Variants in ZFHX3 observed in about 807,000 individuals in gnomAD.
The protein encoded by ZFHX3 is zinc finger homeobox 3.
A neutral mutation model predicts 279.1 loss-of-function variants in ZFHX3; 42 were observed. The ratio of observed to expected loss-of-function variants is 0.15; its 90% CI spans 0.12 to 0.19. ZFHX3 has a LOEUF of 0.19. Among genes scored for constraint, ZFHX3 ranks in the 10% least tolerant of loss-of-function variants. The probability of loss-of-function intolerance (pLI) is 1.00; values close to 1 mark genes in which losing one functional copy is unlikely to be tolerated. For synonymous variants in ZFHX3, 2,293 were observed against 1,957.8 expected, an observed-to-expected ratio of 1.17 and a Z score of -4.52; for missense variants, 4,981 against 4,754.0, an observed-to-expected ratio of 1.05 and a Z score of -1.40.
At chr16:72,918,769 C>T (rs927465879) in intron 3 of ZFHX3, among the ~76,000 whole-genome samples, 3 of 151,068 alleles carry the variant, frequency 2.0e-5, no homozygotes, top group Non-Finnish European at 4.4e-5. Flanking sequence ...AATCTCGGCT[C>T]ACTGCAAGCT....
At chr16:73,625,287 A>G (rs1025755351) in intron 2 of ZFHX3, among the ~76,000 whole-genome samples, 2 of 152,228 alleles carry the variant, frequency 1.3e-5, no homozygotes, top group Non-Finnish European at 2.9e-5. Context: ...ATTCAGAATA[A>G]TAAAAAACAG....
At chr16:72,943,461 G>A (rs529193182) in intron 3 of ZFHX3, among the ~76,000 whole-genome samples, 1 of 152,264 alleles carries the variant, frequency 6.6e-6, no homozygotes, top group South Asian at 2.1e-4. Flanking sequence ...TGAACCCAGA[G>A]GCGGAGGTTG....
At chr16:72,989,491 A>G (rs1250575744) in intron 1 of ZFHX3, among the ~76,000 whole-genome samples, 1 of 151,422 alleles carries the variant, frequency 6.6e-6, no homozygotes, top group Non-Finnish European at 1.5e-5. Flanking sequence ...AAAAAAAAAA[A>G]GAAACCATGG....
chr16:72,906,633 CA>C (rs2039180423), intron 3 of ZFHX3, among the ~76,000 whole-genome samples: 1 of 151,942 alleles, frequency 6.6e-6, no homozygotes, highest in African/African-American at 2.4e-5. Context: ...CCTGTTTCTA[CA>C]AAAAAGTACA....
intron 4 of ZFHX3, among the ~76,000 whole-genome samples, chr16:72,852,583 G>A (rs1164661549): frequency 6.6e-6 from 1 of 152,184 alleles, no homozygotes; most frequent in Non-Finnish European, 1.5e-5. Context: ...TGATTTAAAA[G>A]TATTGCTTAA....
At chr16:73,424,753 C>CAAAAAAA (rs71156163) in intron 3 of ZFHX3, among the ~76,000 whole-genome samples, 4 of 95,780 alleles carry the variant, frequency 4.2e-5, no homozygotes, top group Non-Finnish European at 5.6e-5. Context: ...TACCCTGTGT[C>CAAAAAAA]AAAAAAAAAA....
intron 2 of ZFHX3, among the ~76,000 whole-genome samples, chr16:73,569,718 C>A (rs527356363): frequency 1.3e-5 from 2 of 152,126 alleles, no homozygotes; most frequent in Non-Finnish European, 2.9e-5. Context: ...ATTATGTATT[C>A]TGAAATTAGG....
intron 2 of ZFHX3, among the ~76,000 whole-genome samples, chr16:73,512,272 CAAAAAAAAA>C (rs3087038): frequency 1.4e-3 from 124 of 87,840 alleles, no homozygotes; most frequent in African/African-American, 2.2e-3. Context: ...CACTAAAATA[CAAAAAAAAA>C]AAAAAAAAAA....
chr16:73,782,214 G>A (rs1416530914), intron 1 of ZFHX3, among the ~76,000 whole-genome samples: 2 of 152,136 alleles, frequency 1.3e-5, no homozygotes, highest in South Asian at 2.1e-4. Flanking sequence ...TGAGACCTAT[G>A]GAGAGATAAA....
intron 2 of ZFHX3, among the ~76,000 whole-genome samples, chr16:73,545,233 G>T (rs982872050): frequency 6.6e-6 from 1 of 152,120 alleles, no homozygotes; most frequent in Admixed American, 6.6e-5. Context: ...AACCTATCCT[G>T]TTGGCAGGAC....
chr16:73,365,614 C>G (rs970871126), intron 3 of ZFHX3, among the ~76,000 whole-genome samples: 1 of 152,186 alleles, frequency 6.6e-6, no homozygotes, highest in African/African-American at 2.4e-5. Flanking sequence ...ACACTGTGAT[C>G]TTTCTAGTTC....
At chr16:73,575,600 G>C (rs1302477825) in intron 2 of ZFHX3, among the ~76,000 whole-genome samples, 1 of 152,100 alleles carries the variant, frequency 6.6e-6, no homozygotes, top group Non-Finnish European at 1.5e-5. Context: ...GTCTTATTTG[G>C]GCATGTGAAT....
At chr16:73,211,528 C>A (rs2012016544) in intron 5 of ZFHX3, among the ~76,000 whole-genome samples, 1 of 152,002 alleles carries the variant, frequency 6.6e-6, no homozygotes, top group Non-Finnish European at 1.5e-5. Flanking sequence ...GGGAAATATA[C>A]CTGTATCACT....
intron 2 of ZFHX3, among the ~76,000 whole-genome samples, chr16:73,512,913 C>G (rs1310980598): frequency 6.6e-6 from 1 of 152,204 alleles, no homozygotes; most frequent in South Asian, 2.1e-4. Flanking sequence ...GTGAAGCAGG[C>G]AGGCACTAAC....
chr16:73,116,321 G>T (rs1966433312), intron 7 of ZFHX3, among the ~76,000 whole-genome samples: 1 of 152,136 alleles, frequency 6.6e-6, no homozygotes, highest in Non-Finnish European at 1.5e-5. Flanking sequence ...ATGGGGATTT[G>T]CTGACAGTTA....
chr16:73,405,430 T>C (rs1337837802), intron 3 of ZFHX3, among the ~76,000 whole-genome samples: 1 of 152,202 alleles, frequency 6.6e-6, no homozygotes, highest in Non-Finnish European at 1.5e-5. Flanking sequence ...TGAGGGGATT[T>C]TGGAGTTGTT....
At chr16:73,302,854 C>G (rs1043617077) in intron 4 of ZFHX3, among the ~76,000 whole-genome samples, 1 of 152,170 alleles carries the variant, frequency 6.6e-6, no homozygotes, top group Non-Finnish European at 1.5e-5. Flanking sequence ...GAGGCTAGAA[C>G]TGAGGGCAAA....
At chr16:73,563,165 T>C (rs1041633637) in intron 2 of ZFHX3, among the ~76,000 whole-genome samples, 1 of 145,252 alleles carries the variant, frequency 6.9e-6, no homozygotes, top group African/African-American at 2.6e-5. Context: ...GTTTTTTTTG[T>C]TTTGTTGTGT....
At position 73,419,124 on chromosome 16, in the gene ZFHX3, C is replaced by T. The variant is rs60236591; in HGVS notation, c.-1291+36879G>A. 6.4e-3 allele frequency among the ~76,000 whole-genome samples: 974 copies of T among 152,330 alleles called. 13 individuals are homozygous for T. The highest frequency in any genetic ancestry group is 0.022 in the African/African-American group (927 of 41,570). On this transcript the variant is annotated intron_variant, in intron 3 of 17. Transcript: ENST00000641206. Reference sequence around the variant, plus strand: ...GGAGTGCAAACCTTGTAAACGTAGGCTTTCCACTGTGTTCTGTACAAGCAA... The same window carrying T: ...GGAGTGCAAACCTTGTAAACGTAGGTTTTCCACTGTGTTCTGTACAAGCAA...
Sources: allele counts gnomAD v4.1 joint callset (sites outside exome capture counted in the v4.1 genomes callset), GRCh38; gene constraint gnomAD v4.1.1; transcripts MANE v1.5; gene names NCBI Gene and HGNC (gene_info 2026-07-23, HGNC 2026-07-21).